HNF1A: variants seen among roughly 807,000 people sequenced by gnomAD.
HNF1A encodes hepatocyte nuclear factor 1-alpha.
A neutral mutation model predicts 62.2 loss-of-function variants in HNF1A; 21 were observed. The ratio of observed to expected loss-of-function variants is 0.34; its 90% CI spans 0.24 to 0.49. HNF1A has a LOEUF of 0.49. HNF1A is among the 20% of genes least tolerant of loss of function. The pLI, the probability that HNF1A is intolerant of heterozygous loss-of-function variation, is 0.99. For missense variants in HNF1A, 687 were observed against 832.3 expected, an observed-to-expected ratio of 0.83 and a Z score of 2.15; for synonymous variants, 374 against 366.8, an observed-to-expected ratio of 1.02 and a Z score of -0.22.
Position 120,982,113 on chromosome 12 carries a change from C to CT in HNF1A, c.326+3019_326+3020insT, listed in dbSNP as rs760327096. Among the ~76,000 whole-genome samples the CT allele has an allele frequency of 1.8e-3, 279 of 151,838 alleles. 1 individual carries two copies. The highest frequency in any genetic ancestry group is 3.1e-3 in the Non-Finnish European group (207 of 67,826). ...TGAGACGGAGTCTCACTCTGTCGGC[C>CT]CGGCTGGAGTGCATGGCGCGATCTC... On this transcript the variant is annotated intron_variant, in intron 1 of 9. Transcript: ENST00000257555.
chr12:120,988,449 C>A (rs1245794569), intron 1 of HNF1A, among the ~76,000 whole-genome samples: 1 of 152,058 alleles, frequency 6.6e-6, no homozygotes, highest in African/African-American at 2.4e-5. Context: ...TCCATCCATC[C>A]GTCCATCCAC....
intron 2 of HNF1A, among the ~76,000 whole-genome samples, chr12:120,991,389 T>C (rs1876827577): frequency 6.6e-6 from 1 of 150,874 alleles, no homozygotes; most frequent in Non-Finnish European, 1.5e-5. Context: ...AGGGCAGGAG[T>C]CTGAGACCAG....
chr12:120,996,487 G>A lies in HNF1A; in HGVS notation c.1108-54G>A, dbSNP rs1877103831. Reference sequence around the variant, plus strand: ...AGGGAGATTCTGGAGCAGTCCCTAGGGAGGCCCTGTGGGGACCCCGGCCCC... The same window carrying A: ...AGGGAGATTCTGGAGCAGTCCCTAGAGAGGCCCTGTGGGGACCCCGGCCCC... On this transcript the variant is annotated intron_variant, in intron 5 of 9. Transcript: ENST00000257555. This position sits in a 1 kb window ranked among gnomAD's most constrained non-coding sequence, Gnocchi z 4.5. 7 of 1,613,240 alleles carry A rather than the reference G, an allele frequency of 4.3e-6. No individual in the cohort carries two copies. Among genetic ancestry groups the A allele is most frequent in the African/African-American group, 2.7e-5 (2 of 74,892 alleles).
Position 121,001,941 on chromosome 12 carries a change from T to C in HNF1A, c.*749T>C. On this transcript the variant is annotated 3_prime_UTR_variant, in exon 10 of 10. Coordinates refer to ENST00000257555, the MANE Select transcript of HNF1A (RefSeq NM_000545.8). ...GAGCATCATGCCTCTGAGGCCAGCC[T>C]GGCCTCCTGCCTCTACTGGGAAGGC... is the stretch of plus-strand genomic sequence containing the variant. 1.9e-6 allele frequency: 1 copy of C among 526,732 alleles called. No homozygotes were observed. Among genetic ancestry groups the C allele is most frequent in the Non-Finnish European group, 3.7e-6 (1 of 271,724 alleles). The allele number at this position is 526,732 out of a possible 1,614,324, so 32.6% of individuals were successfully genotyped here.
At chr12:120,990,235 G>A (rs1426431223) in intron 2 of HNF1A, among the ~76,000 whole-genome samples, 20 of 151,676 alleles carry the variant, frequency 1.3e-4, no homozygotes, top group African/African-American at 3.6e-4. Flanking sequence ...TCCGCCTTCC[G>A]GGTTCATGCC....
chr12:120,990,123 C>A (rs777538080), intron 2 of HNF1A, among the ~76,000 whole-genome samples: 41 of 151,598 alleles, frequency 2.7e-4, no homozygotes, highest in Non-Finnish European at 5.2e-4. Flanking sequence ...TATTAATTAT[C>A]CAGGTTAATT....
intron 3 of HNF1A, 23 bp downstream of exon 3, chr12:120,993,729 G>A (rs1188737472): frequency 6.2e-7 from 1 of 1,612,176 alleles, no homozygotes; most frequent in Non-Finnish European, 8.5e-7. Flanking sequence ...GCGGGAAACA[G>A]TGCTGGTTTG....
At chr12:120,995,413 TCTCTCCACTC>T (rs1378890711) in intron 4 of HNF1A, among the ~76,000 whole-genome samples, 3 of 151,146 alleles carry the variant, frequency 2.0e-5, no homozygotes, top group Non-Finnish European at 4.4e-5. Context: ...TACCCACTCT[TCTCTCCACTC>T]CTCTCCACTA....
chr12:120,999,535 C>T lies in HNF1A; in HGVS notation c.1676C>T (p.Ala559Val). The T allele has an allele frequency of 6.2e-7, 1 of 1,613,348 alleles. No individual in the cohort carries two copies. Among genetic ancestry groups the T allele is most frequent in the Non-Finnish European group, 8.5e-7 (1 of 1,179,884 alleles). The part of the protein sequence containing the change: ...ASSESGLHTP[A>V]SQATTLHVPS... ...AGTGAGTCCGGGCTTCACACGCCGG[C>T]ATCTCAGGCCACCACCCTCCACGTC... The change falls in exon 9 of 10, where the codon GCA (alanine) becomes GTA (valine). Residue 559 changes from alanine (A) to valine (V), a missense_variant. By Grantham distance (64) the Ala-to-Val change is moderately conservative (BLOSUM62 0). This residue lies in a region of HNF1A where 408 missense variants were observed against 455.3 expected (regional missense o/e 0.90). Coordinates refer to ENST00000257555, the MANE Select transcript of HNF1A (RefSeq NM_000545.8).
chr12:120,993,769 G>T, intron 3 of HNF1A, 63 bp downstream of exon 3: 2 of 1,548,764 alleles, frequency 1.3e-6, no homozygotes, highest in Non-Finnish European at 1.8e-6. Flanking sequence ...CAGGGAAGGG[G>T]AAGGTGACTC....
intron 1 of HNF1A, 40 bp downstream of exon 1, chr12:120,979,134 A>G: frequency 6.4e-7 from 1 of 1,560,850 alleles, no homozygotes; most frequent in Non-Finnish European, 8.7e-7. Context: ...AGGAGAGCCT[A>G]GAGGGGCCCC....
chr12:120,997,851 C>T lies in HNF1A; in HGVS notation c.1501+186C>T. 3 of 738,208 alleles carry T rather than the reference C, an allele frequency of 4.1e-6. No individual in the cohort carries two copies. In the South Asian group the frequency reaches 4.4e-5, roughly 11 times the overall value. The allele number at this position is 738,208 out of a possible 1,614,324, so 45.7% of individuals were successfully genotyped here. On this transcript the variant is annotated intron_variant, in intron 7 of 9. Transcript: ENST00000257555. The stretch of plus-strand genomic sequence containing the variant: ...GTGAATGCACGTATCTGTGTGTGTG[C>T]ACGACTGCTTGTGTGAGCAGATCCC...
intron 2 of HNF1A, among the ~76,000 whole-genome samples, chr12:120,992,429 T>C (rs568157753): frequency 6.6e-6 from 1 of 152,344 alleles, no homozygotes; most frequent in South Asian, 2.1e-4. Context: ...GGTCTTGCCA[T>C]GTTGCCCAGG....
rs750505585 is a variant in HNF1A at position 121,001,227 on chromosome 12, G to C, written c.*35G>C. ...CTGGGCCCTGGGGCCTGTACTGCCT[G>C]CTTGGGGGGTGATGAGGGCAGCAGC... On this transcript the variant is annotated 3_prime_UTR_variant, in exon 10 of 10. Transcript: ENST00000257555. 1 of 1,612,036 alleles carries C rather than the reference G, an allele frequency of 6.2e-7. No homozygotes were observed. The highest frequency in any genetic ancestry group is 8.5e-7 in the Non-Finnish European group (1 of 1,179,310).
intron 1 of HNF1A, among the ~76,000 whole-genome samples, chr12:120,982,539 A>G (rs554000409): frequency 1.3e-5 from 2 of 152,202 alleles, no homozygotes; most frequent in South Asian, 2.1e-4. Context: ...GCCCCTTTCT[A>G]GCTTGAGCAG....
Position 120,978,920 on chromosome 12 carries a change from G to A in HNF1A, c.152G>A (p.Gly51Asp), listed in dbSNP as rs776710848. ...CCCCTGGACAAGGGGGAGTCCTGCG[G>A]CGGCGGTCGAGGGGAGCTGGCTGAG... ...EGPLDKGESCGGGRGELAELP... is the reference protein window; with the variant it reads ...EGPLDKGESCDGGRGELAELP... Residue 51 changes from glycine to aspartate, a missense_variant, in exon 1 of 10, where the codon GGC becomes GAC. Gly to Asp is a moderately conservative substitution (Grantham distance 94, BLOSUM62 -1). This residue lies in a region of HNF1A where 159 missense variants were observed against 154.4 expected (regional missense o/e 1.03). Coordinates refer to ENST00000257555, the MANE Select transcript of HNF1A (RefSeq NM_000545.8). 2.5e-6 allele frequency: 4 copies of A among 1,611,622 alleles called. No individual in the cohort carries two copies. Among genetic ancestry groups the A allele is most frequent in the Non-Finnish European group, 2.5e-6 (3 of 1,179,044 alleles).
rs587777934 is a variant in HNF1A at position 120,996,989 on chromosome 12, G to A, written c.1309+247G>A. On this transcript the variant is annotated intron_variant, in intron 6 of 9. Coordinates refer to ENST00000257555, the MANE Select transcript of HNF1A (RefSeq NM_000545.8). This position sits in a 1 kb window ranked among gnomAD's most constrained non-coding sequence, Gnocchi z 4.5. ...AATACATCAATTCTGTGGTACCTCA[G>A]AAGGTGAAGGGTCTATGGGCAAATT... The A allele has an allele frequency of 1.7e-5, 25 of 1,513,012 alleles. No individual in the cohort carries two copies. The African/African-American group carries it at 2.8e-4, about 17-fold the overall frequency. 93.7% of individuals were successfully genotyped at this position (1,513,012 alleles called of 1,614,324 possible). A position where few individuals can be genotyped will look rare whatever the true frequency, so the allele number is the denominator to read the frequency against.
intron 4 of HNF1A, among the ~76,000 whole-genome samples, chr12:120,995,391 C>T (rs1308479858): frequency 6.6e-6 from 1 of 152,096 alleles, no homozygotes; most frequent in Non-Finnish European, 1.5e-5. Flanking sequence ...TTAGACTCCA[C>T]TCCATCCACT....
intron 2 of HNF1A, among the ~76,000 whole-genome samples, chr12:120,989,760 T>A (rs1293684500): frequency 6.6e-6 from 1 of 152,182 alleles, no homozygotes; most frequent in Non-Finnish European, 1.5e-5. Context: ...GAGCTGACTG[T>A]CGACTGGGGA....
Sources: allele counts gnomAD v4.1 joint callset (sites outside exome capture counted in the v4.1 genomes callset), GRCh38; gene constraint gnomAD v4.1.1; regional missense constraint gnomAD v4.1.1; non-coding constraint Gnocchi (gnomAD v3.1); transcripts MANE v1.5; gene names NCBI Gene and HGNC (gene_info 2026-07-23, HGNC 2026-07-21).